PHACTR3: variants seen among roughly 807,000 people sequenced by gnomAD.
PHACTR3 encodes the protein protein phosphatase 1, regulatory subunit 123.
In PHACTR3, 16 loss-of-function variants were observed where a neutral mutation model predicts 66.8. The observed-to-expected ratio is 0.24, with a 90% confidence interval of 0.16 to 0.36. PHACTR3 has a LOEUF of 0.36. PHACTR3 is among the 10% of genes least tolerant of loss of function. The probability of loss-of-function intolerance (pLI) is 1.00; values close to 1 mark genes in which losing one functional copy is unlikely to be tolerated. For missense variants in PHACTR3, 647 were observed against 719.9 expected, an observed-to-expected ratio of 0.90 and a Z score of 1.16; for synonymous variants, 323 against 292.1, an observed-to-expected ratio of 1.11 and a Z score of -1.08.
At chr20:59,629,929 G>A (rs557286660) in intron 1 of PHACTR3, among the ~76,000 whole-genome samples, 21 of 152,234 alleles carry the variant, frequency 1.4e-4, no homozygotes, top group African/African-American at 4.6e-4. Context: ...GTAGACCAGG[G>A]GTTCTAGGCA....
At chr20:59,837,740 C>A (rs1360402717) in intron 9 of PHACTR3, among the ~76,000 whole-genome samples, 1 of 152,184 alleles carries the variant, frequency 6.6e-6, no homozygotes, top group Non-Finnish European at 1.5e-5. Flanking sequence ...TTGTAAGTTG[C>A]AGATGCTACT....
Position 59,662,313 on chromosome 20 carries a change from G to C in PHACTR3, c.118+57181G>C, listed in dbSNP as rs564579684. 1.5e-4 allele frequency among the ~76,000 whole-genome samples: 23 copies of C among 152,264 alleles called. 1 individual carries two copies. The highest frequency in any genetic ancestry group is 6.5e-4 in the Admixed American group (10 of 15,302). ...GGGAGATTTGACCCAGCTTGGGGTG[G>C]GGTGGGGGACACAGAGGCGGATTCT... On this transcript the variant is annotated intron_variant, in intron 1 of 12. Transcript: ENST00000371015.
At chr20:59,810,933 C>T (rs984969562) in intron 8 of PHACTR3, among the ~76,000 whole-genome samples, 3 of 152,248 alleles carry the variant, frequency 2.0e-5, no homozygotes, top group African/African-American at 7.2e-5. Flanking sequence ...TGCCTCCATC[C>T]TGTCTACAGC....
upstream of PHACTR3, among the ~76,000 whole-genome samples, chr20:59,599,746 C>T (rs1187558593): frequency 1.3e-5 from 2 of 152,186 alleles, no homozygotes; most frequent in Non-Finnish European, 2.9e-5. Context: ...TCTCTCTAGT[C>T]CCCCGTAGCT....
At chr20:59,599,667 C>T (rs931561775), upstream of PHACTR3, among the ~76,000 whole-genome samples, 49 of 152,136 alleles carry the variant, frequency 3.2e-4, no homozygotes, top group African/African-American at 1.2e-3. Flanking sequence ...TTCTACCCCC[C>T]TCATAAATAG....
chr20:59,698,534 T>C (rs2037383520), intron 1 of PHACTR3, among the ~76,000 whole-genome samples: 1 of 152,224 alleles, frequency 6.6e-6, no homozygotes, highest in African/African-American at 2.4e-5. Flanking sequence ...CCCTCCAGTT[T>C]TGTGCATTTG....
At chr20:59,632,972 T>C (rs961386964) in intron 1 of PHACTR3, among the ~76,000 whole-genome samples, 1 of 152,158 alleles carries the variant, frequency 6.6e-6, no homozygotes, top group African/African-American at 2.4e-5. Context: ...TGGCCTGCAG[T>C]GCTCTTGCTT....
chr20:59,822,697 G>A (rs1048086185), intron 8 of PHACTR3, among the ~76,000 whole-genome samples: 6 of 152,180 alleles, frequency 3.9e-5, no homozygotes, highest in Non-Finnish European at 7.4e-5. Flanking sequence ...TCTCTGACTC[G>A]GCTCGTTCAG....
chr20:59,840,570 A>C, intron 10 of PHACTR3, 140 bp downstream of exon 10: 1 of 1,331,986 alleles, frequency 7.5e-7, no homozygotes. Flanking sequence ...CATCAGTTAA[A>C]TCAGGATATT....
chr20:59,681,545 TA>T (rs1226468609), intron 1 of PHACTR3, among the ~76,000 whole-genome samples: 1 of 152,192 alleles, frequency 6.6e-6, no homozygotes, highest in Non-Finnish European at 1.5e-5. Flanking sequence ...CACAAATCAA[TA>T]AAAGCATTAA....
chr20:59,661,581 C>A (rs1181791638), intron 1 of PHACTR3, among the ~76,000 whole-genome samples: 1 of 152,168 alleles, frequency 6.6e-6, no homozygotes, highest in African/African-American at 2.4e-5. Context: ...GTTCTTCAGC[C>A]CCATGGCACA....
chr20:59,597,051 G>A (rs2033346148), intron 1 of PHACTR3, among the ~76,000 whole-genome samples: 1 of 152,260 alleles, frequency 6.6e-6, no homozygotes, highest in Non-Finnish European at 1.5e-5. Context: ...TTGAGCAAAT[G>A]TCTGCTTTGT....
upstream of PHACTR3, among the ~76,000 whole-genome samples, chr20:59,601,855 A>G (rs976224575): frequency 1.3e-5 from 2 of 152,194 alleles, no homozygotes; most frequent in Non-Finnish European, 2.9e-5. Context: ...ACTTGGTTGC[A>G]TCTCATCTTC....
intron 9 of PHACTR3, among the ~76,000 whole-genome samples, chr20:59,838,746 G>A (rs1568873697): frequency 6.6e-6 from 1 of 152,202 alleles, no homozygotes; most frequent in Non-Finnish European, 1.5e-5. Flanking sequence ...AACTGTCCAA[G>A]CTGCTGGAGC....
upstream of PHACTR3, among the ~76,000 whole-genome samples, chr20:59,600,803 GA>G (rs375491572): frequency 9.2e-5 from 14 of 152,314 alleles, no homozygotes; most frequent in East Asian, 2.7e-3. Flanking sequence ...TCAAGGGGCA[GA>G]AGGGGGGTCC....
At chr20:59,681,208 A>G (rs1365339612) in intron 1 of PHACTR3, among the ~76,000 whole-genome samples, 2 of 152,232 alleles carry the variant, frequency 1.3e-5, no homozygotes, top group Non-Finnish European at 2.9e-5. Flanking sequence ...TGTTGCAGAA[A>G]AAATTTGCCC....
chr20:59,791,825 T>C (rs1355259163), intron 7 of PHACTR3, among the ~76,000 whole-genome samples: 1 of 150,044 alleles, frequency 6.7e-6, no homozygotes, highest in Non-Finnish European at 1.5e-5. Flanking sequence ...TGTATTTCTA[T>C]TTATTTTTGC....
At chr20:59,636,289 C>A (rs1402411273) in intron 1 of PHACTR3, among the ~76,000 whole-genome samples, 1 of 152,174 alleles carries the variant, frequency 6.6e-6, no homozygotes, top group Non-Finnish European at 1.5e-5. Context: ...TCGCAGATAG[C>A]AGACTTTGAT....
chr20:59,696,311 G>A (rs1234053541), intron 1 of PHACTR3, among the ~76,000 whole-genome samples: 4 of 152,286 alleles, frequency 2.6e-5, no homozygotes, highest in South Asian at 2.1e-4. Context: ...CCTCCAAGAC[G>A]AAGTACAGCA....
Sources: allele counts gnomAD v4.1 joint callset (sites outside exome capture counted in the v4.1 genomes callset), GRCh38; gene constraint gnomAD v4.1.1; transcripts MANE v1.5; gene names NCBI Gene and HGNC (gene_info 2026-07-23, HGNC 2026-07-21).